The following ADAM11 variants were observed in gnomAD, a reference collection of about 807,000 sequenced individuals.
ADAM11 encodes the protein disintegrin and metalloproteinase domain-containing protein 11.
A neutral mutation model predicts 119.1 loss-of-function variants in ADAM11; 49 were observed. The observed-to-expected ratio is 0.41, with a 90% CI of 0.33 to 0.52. The LOEUF (loss-of-function observed/expected upper bound fraction) is 0.52. ADAM11 is among the 20% of genes least tolerant of loss of function. The pLI, the probability that ADAM11 is intolerant of heterozygous loss-of-function variation, is 0.20. For synonymous variants in ADAM11, 364 were observed against 408.0 expected (o/e 0.89, Z 1.30); for missense variants, 777 against 1,047.5 (o/e 0.74, Z 3.56).
At chr17:44,774,241 CGGGGAGCCACA>C (rs2049567398) in intron 11 of ADAM11, 43 bp from the exon 12 acceptor site, 2 of 1,240,564 alleles carry the variant, frequency 1.6e-6, no homozygotes, top group African/African-American at 3.1e-5. Flanking sequence ...CACCACCACC[CGGGGAGCCACA>C]GGGGAGGGCA....
Position 44,777,243 on chromosome 17 carries a change from G to A in ADAM11, c.1759G>A (p.Gly587Ser), listed in dbSNP as rs1209600564. Residue 587 changes from glycine to serine, a missense_variant, in exon 21 of 27, where the codon GGC becomes AGC. Coordinates refer to ENST00000200557, the MANE Select transcript of ADAM11 (RefSeq NM_002390.6). This position sits in a 1 kb window ranked among gnomAD's most constrained non-coding sequence, Gnocchi z 5.1. Reference sequence around the variant, plus strand: ...TGGGAGCTGTGGGCGCAAGGGATCTGGCTGGGTCCAGTGCAGTAAGCAGTG... The same window carrying A: ...TGGGAGCTGTGGGCGCAAGGGATCTAGCTGGGTCCAGTGCAGTAAGCAGTG... ...ERGSCGRKGS[G>S]WVQCSKQDVL... 21 of 1,606,442 alleles carry A rather than the reference G, an allele frequency of 1.3e-5. No homozygotes were observed. The highest frequency in any genetic ancestry group is 3.3e-5 in the Admixed American group (2 of 59,868).
chr17:44,765,344 G>A (rs1395215689), intron 2 of ADAM11, among the ~76,000 whole-genome samples: 1 of 152,034 alleles, frequency 6.6e-6, no homozygotes, highest in Non-Finnish European at 1.5e-5. Flanking sequence ...TTGCGGGAGG[G>A]GATTCCAGAA....
chr17:44,769,686 G>T (rs1213995985), intron 2 of ADAM11, 32 bp from the exon 3 acceptor site: 2 of 1,549,576 alleles, frequency 1.3e-6, no homozygotes, highest in African/African-American at 2.7e-5. Context: ...GCCTCCCTGG[G>T]TTGACTCCCC....
At chr17:44,774,780 T>C (rs2049576236) in intron 14 of ADAM11, 31 bp downstream of exon 14, 1 of 1,587,056 alleles carries the variant, frequency 6.3e-7, no homozygotes, top group African/African-American at 1.4e-5. Context: ...CGGGGGAAGG[T>C]CTTGGGCGAG....
At chr17:44,771,138 A>G (rs2049518185) in intron 4 of ADAM11, among the ~76,000 whole-genome samples, 1 of 151,412 alleles carries the variant, frequency 6.6e-6, no homozygotes, top group Non-Finnish European at 1.5e-5. Flanking sequence ...ATAAATAAAT[A>G]CAAAAATTAG....
chr17:44,763,441 CTCTT>C (rs1197914974), intron 2 of ADAM11, among the ~76,000 whole-genome samples: 1 of 152,238 alleles, frequency 6.6e-6, no homozygotes, highest in Non-Finnish European at 1.5e-5. Flanking sequence ...CCCTTGCCCT[CTCTT>C]TGCTACTGCA....
At chr17:44,770,975 A>AT in intron 4 of ADAM11, among the ~76,000 whole-genome samples, 1 of 152,118 alleles carries the variant, frequency 6.6e-6, no homozygotes, top group Non-Finnish European at 1.5e-5. Context: ...TTAACCAGGC[A>AT]TGGTGGTGCA....
intron 6 of ADAM11, 117 bp downstream of exon 6, chr17:44,771,948 T>A: frequency 8.1e-7 from 1 of 1,228,070 alleles, no homozygotes; most frequent in Non-Finnish European, 1.1e-6. Context: ...CCAGCCTCAC[T>A]GCCCTCTTCA....
chr17:44,767,348 C>A, intron 2 of ADAM11, among the ~76,000 whole-genome samples: 1 of 134,332 alleles, frequency 7.4e-6, no homozygotes, highest in Non-Finnish European at 1.6e-5. Flanking sequence ...GAGTGAGACT[C>A]CATCTCAAAA....
rs756597732 is a variant in ADAM11 at position 44,775,480 on chromosome 17, G to C, written c.1392+15G>C. Reference sequence around the variant, plus strand: ...GCTCGGTGCAGGTGAGCGGTGGTGCGGGCGCCAGGTGGGGAACCGGGATGC... The same window carrying C: ...GCTCGGTGCAGGTGAGCGGTGGTGCCGGCGCCAGGTGGGGAACCGGGATGC... On this transcript the variant is annotated intron_variant, in intron 16 of 26. Coordinates refer to ENST00000200557, the MANE Select transcript of ADAM11 (RefSeq NM_002390.6). The surrounding 1 kb of genome is among the most constrained non-coding windows in gnomAD (Gnocchi z 7.5). 1.2e-6 allele frequency: 2 copies of C among 1,602,052 alleles called. No individual in the cohort carries two copies. The highest frequency in any genetic ancestry group is 1.7e-6 in the Non-Finnish European group (2 of 1,177,326).
Position 44,777,751 on chromosome 17 carries a change from C to T in ADAM11, c.1958C>T (p.Thr653Ile). The change falls in exon 23 of 27, where the codon ACA becomes ATA. Residue 653 changes from threonine (T) to isoleucine (I), a missense_variant. This residue lies in a region of ADAM11 where 348 missense variants were observed against 486.7 expected (regional missense o/e 0.72). Coordinates refer to ENST00000200557, the MANE Select transcript of ADAM11 (RefSeq NM_002390.6). The surrounding 1 kb of genome is among the most constrained non-coding windows in gnomAD (Gnocchi z 5.1). ...GACCTGAGCTATGTGGAGGATGGCA[C>T]AGCCTGCGGGCCTAACATGTTGTGC... Reference protein sequence around the residue: ...GSDLSYVEDGTACGPNMLCLD... With the variant: ...GSDLSYVEDGIACGPNMLCLD... 1.2e-6 allele frequency: 2 copies of T among 1,614,024 alleles called. No individual in the cohort carries two copies. Among genetic ancestry groups the T allele is most frequent in the South Asian group, 1.1e-5 (1 of 91,090 alleles).
In ADAM11 at chr17:44,776,897, A is replaced by G. The variant is rs1162350399; in HGVS notation, c.1618-2A>G. The G allele has an allele frequency of 1.2e-6, 2 of 1,613,308 alleles. No homozygotes were observed. The highest frequency in any genetic ancestry group is 2.7e-5 in the African/African-American group (2 of 74,874). Reference sequence around the variant, plus strand: ...CTTGCCTCTTAATTCTTGGACTCTCAGGGCCGCTGCTACGGAGGTCGCTGC... The same window carrying G: ...CTTGCCTCTTAATTCTTGGACTCTCGGGGCCGCTGCTACGGAGGTCGCTGC... On this transcript the variant is annotated splice_acceptor_variant, in intron 19 of 26. Coordinates refer to ENST00000200557, the MANE Select transcript of ADAM11 (RefSeq NM_002390.6). LOFTEE classifies it high-confidence loss of function. The surrounding 1 kb of genome is among the most constrained non-coding windows in gnomAD (Gnocchi z 5.2).
At chr17:44,768,549 C>T (rs2049479438) in intron 2 of ADAM11, among the ~76,000 whole-genome samples, 1 of 152,126 alleles carries the variant, frequency 6.6e-6, no homozygotes, top group Admixed American at 6.5e-5. Context: ...GTGCCTGTCT[C>T]CTTTCAGATG....
intron 2 of ADAM11, among the ~76,000 whole-genome samples, chr17:44,765,024 AC>A (rs1168427371): frequency 1.3e-5 from 2 of 152,054 alleles, no homozygotes; most frequent in African/African-American, 4.8e-5. Flanking sequence ...GCCTAGAGGA[AC>A]CCAGCTGTCC....
chr17:44,777,489 C>A lies in ADAM11; in HGVS notation c.1789C>A (p.Leu597Met). ...CTCTATATGCCCCAACAGGGACGTG[C>A]TGTGTGGCTTCCTCCTCTGTGTCAA... ...GWVQCSKQDV[L>M]CGFLLCVNIS... The change falls in exon 22 of 27, where the codon CTG becomes ATG. Residue 597 changes from leucine to methionine, a missense_variant. Physicochemically the swap from Leu to Met is conservative, Grantham distance 15. Around this residue, in one of 4 missense-constraint regions of ADAM11, gnomAD observed 348 missense variants for 486.7 expected, o/e 0.72. Coordinates refer to ENST00000200557, the MANE Select transcript of ADAM11 (RefSeq NM_002390.6). This position sits in a 1 kb window ranked among gnomAD's most constrained non-coding sequence, Gnocchi z 5.1. The A allele has an allele frequency of 6.2e-7, 1 of 1,614,122 alleles. No homozygotes were observed. Among genetic ancestry groups the A allele is most frequent in the Non-Finnish European group, 8.5e-7 (1 of 1,179,992 alleles).
intron 4 of ADAM11, 80 bp from the exon 5 acceptor site, chr17:44,771,504 G>A: frequency 7.1e-7 from 1 of 1,413,724 alleles, no homozygotes; most frequent in South Asian, 1.2e-5. Context: ...GGCAGCTTCA[G>A]TGTCCCCCAA....
Position 44,777,377 on chromosome 17 carries a change from C to A in ADAM11, c.1782-105C>A. 7 of 1,520,480 alleles carry A rather than the reference C, an allele frequency of 4.6e-6. No homozygotes were observed. The South Asian group carries it at 7.1e-5, about 15-fold the overall frequency. The allele number at this position is 1,520,480 out of a possible 1,614,324, so 94.2% of individuals were successfully genotyped here. On this transcript the variant is annotated intron_variant, in intron 21 of 26. Transcript: ENST00000200557. The surrounding 1 kb of genome is among the most constrained non-coding windows in gnomAD (Gnocchi z 5.1). ...GAGCCTGTCAGTCCCAATGGGCGGG[C>A]ACGTGGCAAATGAGGTGGCAGGGTG...
chr17:44,759,414 C>G, intron 1 of ADAM11, 154 bp downstream of exon 1: 1 of 1,255,900 alleles, frequency 8.0e-7, no homozygotes, highest in Non-Finnish European at 1.0e-6. Context: ...AGGGAAGGTG[C>G]GTCCACCCAC....
intron 2 of ADAM11, among the ~76,000 whole-genome samples, chr17:44,768,377 C>G (rs2049477185): frequency 6.6e-6 from 1 of 152,178 alleles, no homozygotes; most frequent in Admixed American, 6.5e-5. Context: ...CACCCAGGCC[C>G]TGGCCGTTGG....
Sources: allele counts gnomAD v4.1 joint callset (sites outside exome capture counted in the v4.1 genomes callset), GRCh38; gene constraint gnomAD v4.1.1; regional missense constraint gnomAD v4.1.1; non-coding constraint Gnocchi (gnomAD v3.1); transcripts MANE v1.5; gene names NCBI Gene and HGNC (gene_info 2026-07-23, HGNC 2026-07-21).